TAS2R39: variants seen among roughly 807,000 people sequenced by gnomAD.
TAS2R39 encodes the protein taste receptor type 2 member 39.
Under a neutral mutation model 20.5 loss-of-function variants are expected in TAS2R39, and 22 were observed. That is an observed-to-expected ratio of 1.08 (90% CI 0.77 to 1.54). The LOEUF (loss-of-function observed/expected upper bound fraction) is 1.54, where lower values mean the gene tolerates loss of function less well. TAS2R39 is among the 40% of genes most tolerant of loss of function. TAS2R39 has a pLI of 0.00. For missense variants in TAS2R39, 362 were observed against 398.6 expected (o/e 0.91, Z 0.78); for synonymous variants, 128 against 147.7 (o/e 0.87, Z 0.97).
At position 143,183,612 on chromosome 7, in the gene TAS2R39, A is replaced by C; in HGVS notation, c.194A>C (p.Gln65Pro). ...GCTATACATGCAGCTGAATGGGTTC[A>C]AAATAAGGCAGTTTCCACAAGTGGC... Reference protein sequence around the residue: ...IMAIHAAEWVQNKAVSTSGRI... With the variant: ...IMAIHAAEWVPNKAVSTSGRI... Residue 65 changes from glutamine to proline, a missense_variant, in exon 1 of 1, where the codon CAA becomes CCA. Physicochemically the swap from Gln to Pro is moderately conservative, Grantham distance 76. Coordinates refer to ENST00000446620, the MANE Select transcript of TAS2R39 (RefSeq NM_176881.2). 6.2e-7 allele frequency: 1 copy of C among 1,613,502 alleles called. No homozygotes were observed. Among genetic ancestry groups the C allele is most frequent in the South Asian group, 1.1e-5 (1 of 91,082 alleles).
Position 143,184,017 on chromosome 7 carries a change from A to G in TAS2R39, c.599A>G (p.Tyr200Cys). 1 of 1,613,574 alleles carries G rather than the reference A, an allele frequency of 6.2e-7. No individual in the cohort carries two copies. The highest frequency in any genetic ancestry group is 1.7e-5 in the Admixed American group (1 of 59,988). Residue 200 changes from tyrosine (Y) to cysteine (C), a missense_variant, in exon 1 of 1, where the codon TAC becomes TGC. Tyr to Cys is a radical substitution (Grantham distance 194). Coordinates refer to ENST00000446620, the MANE Select transcript of TAS2R39 (RefSeq NM_176881.2). The stretch of plus-strand genomic sequence containing the variant: ...TCCTCCAACTCCACTAAGAAAACAT[A>G]CTTGTCTGAGATCAATGTGGTCGGT... Reference protein sequence around the residue: ...IHSSNSTKKTYLSEINVVGLA... With the variant: ...IHSSNSTKKTCLSEINVVGLA...
Position 143,183,809 on chromosome 7 carries a change from C to T in TAS2R39, c.391C>T (p.Leu131Phe). 4 of 1,613,518 alleles carry T rather than the reference C, an allele frequency of 2.5e-6. No homozygotes were observed. Among genetic ancestry groups the T allele is most frequent in the Non-Finnish European group, 3.4e-6 (4 of 1,179,602 alleles). The change falls in exon 1 of 1, where the codon CTC (leucine) becomes TTC (phenylalanine). Residue 131 changes from leucine (L) to phenylalanine (F), a missense_variant. Transcript: ENST00000446620. The part of the protein sequence containing the change: ...NFCSLWFAAW[L>F]SFFYFVKIAN... Reference sequence around the variant, plus strand: ...TTGTAGCCTGTGGTTTGCTGCCTGGCTCAGTTTCTTCTACTTTGTGAAGAT... The same window carrying T: ...TTGTAGCCTGTGGTTTGCTGCCTGGTTCAGTTTCTTCTACTTTGTGAAGAT...
Position 143,183,850 on chromosome 7 carries a change from C to T in TAS2R39, c.432C>T (p.Tyr144=), listed in dbSNP as rs774871266. Residue 144 remains tyrosine (Y), a synonymous_variant, in exon 1 of 1, where the codon TAC becomes TAT. Coordinates refer to ENST00000446620, the MANE Select transcript of TAS2R39 (RefSeq NM_176881.2). ...FYFVKIANFS[Y]PLFLKLRWRI... is the part of the protein sequence containing the mutation. ...TTGTGAAGATTGCCAATTTCTCCTA[C>T]CCCCTTTTCCTCAAACTGAGGTGGA... 3 of 1,613,552 alleles carry T rather than the reference C, an allele frequency of 1.9e-6. No homozygotes were observed. Among genetic ancestry groups the T allele is most frequent in the East Asian group, 2.2e-5 (1 of 44,890 alleles).
chr7:143,184,390 G>A lies in TAS2R39; in HGVS notation c.972G>A (p.Arg324=), dbSNP rs780473909. The change falls in exon 1 of 1, where the codon CGG becomes CGA. Residue 324 remains arginine (R), a synonymous_variant. Coordinates refer to ENST00000446620, the MANE Select transcript of TAS2R39 (RefSeq NM_176881.2). ...DNPGLRRAWK[R]LQLRLHLYPK... The stretch of plus-strand genomic sequence containing the variant: ...CTGGGCTGAGAAGAGCCTGGAAGCG[G>A]CTTCAGCTTCGACTTCATCTTTACC... 1.2e-6 allele frequency: 2 copies of A among 1,612,246 alleles called. No homozygotes were observed. Among genetic ancestry groups the A allele is most frequent in the East Asian group, 2.2e-5 (1 of 44,858 alleles).
At position 143,184,291 on chromosome 7, in the gene TAS2R39, G is replaced by A. The variant is rs1469652679; in HGVS notation, c.873G>A (p.Leu291=). 1.2e-6 allele frequency: 2 copies of A among 1,613,700 alleles called. No individual in the cohort carries two copies. Among genetic ancestry groups the A allele is most frequent in the South Asian group, 1.1e-5 (1 of 91,078 alleles). The part of the protein sequence containing the change: ...YLSNMFDINS[L]WNNLCQIIMA... ...CCAACATGTTTGACATCAACAGTCT[G>A]TGGAATAATTTGTGCCAGATCATCA... Residue 291 remains leucine, a synonymous_variant, in exon 1 of 1, where the codon CTG becomes CTA. Transcript: ENST00000446620.
rs755602052 is a variant in TAS2R39, at chr7:143,184,389, G to A, written c.971G>A (p.Arg324Gln). ...CCTGGGCTGAGAAGAGCCTGGAAGC[G>A]GCTTCAGCTTCGACTTCATCTTTAC... ...DNPGLRRAWKRLQLRLHLYPK... is the reference protein window; with the variant it reads ...DNPGLRRAWKQLQLRLHLYPK... The change falls in exon 1 of 1, where the codon CGG becomes CAG. Residue 324 changes from arginine (R) to glutamine (Q), a missense_variant. By Grantham distance (43) the Arg-to-Gln change is conservative. Coordinates refer to ENST00000446620, the MANE Select transcript of TAS2R39 (RefSeq NM_176881.2). 1.2e-5 allele frequency: 19 copies of A among 1,612,418 alleles called. No individual in the cohort carries two copies. Among genetic ancestry groups the A allele is most frequent in the Middle Eastern group, 1.6e-4 (1 of 6,080 alleles).
Position 143,183,659 on chromosome 7 carries a change from G to A in TAS2R39, c.241G>A (p.Val81Ile), listed in dbSNP as rs749318088. The change falls in exon 1 of 1, where the codon GTA becomes ATA. Residue 81 changes from valine (V) to isoleucine (I), a missense_variant. Transcript: ENST00000446620. ...TGGCAGGATCCTGGTTTTCCTGAGT[G>A]TATCCAGAATAGCTCTCCAAAGCCT... ...TSGRILVFLSVSRIALQSLMM... is the reference protein window; with the variant it reads ...TSGRILVFLSISRIALQSLMM... 2.5e-6 allele frequency: 4 copies of A among 1,613,508 alleles called. No individual in the cohort carries two copies. The highest frequency in any genetic ancestry group is 2.2e-5 in the South Asian group (2 of 91,070).
Position 143,184,071 on chromosome 7 carries a change from T to C in TAS2R39, c.653T>C (p.Val218Ala), listed in dbSNP as rs776388519. 5 of 1,613,718 alleles carry C rather than the reference T, an allele frequency of 3.1e-6. No individual in the cohort carries two copies. Among genetic ancestry groups the C allele is most frequent in the Non-Finnish European group, 4.2e-6 (5 of 1,179,776 alleles). ...GCTTTTTTCTTTAACCTGGGGATTG[T>C]GACTCCTCTGATCATGTTCATCCTG... ...GLAFFFNLGIVTPLIMFILTA... is the reference protein window; with the variant it reads ...GLAFFFNLGIATPLIMFILTA... The change falls in exon 1 of 1, where the codon GTG (valine) becomes GCG (alanine). Residue 218 changes from valine to alanine, a missense_variant. By Grantham distance (64) the Val-to-Ala change is moderately conservative. Coordinates refer to ENST00000446620, the MANE Select transcript of TAS2R39 (RefSeq NM_176881.2).
chr7:143,184,160 G>C lies in TAS2R39; in HGVS notation c.742G>C (p.Gly248Arg). ...HTLHMGSNAT[G>R]SNDPSMEAHM... ...CCTACACATGGGAAGCAATGCCACA[G>C]GGTCCAACGACCCCAGCATGGAGGC... Residue 248 changes from glycine to arginine, a missense_variant, in exon 1 of 1, where the codon GGG becomes CGG. Transcript: ENST00000446620. 1 of 1,613,756 alleles carries C rather than the reference G, an allele frequency of 6.2e-7. No individual in the cohort carries two copies. The highest frequency in any genetic ancestry group is 8.5e-7 in the Non-Finnish European group (1 of 1,179,784).
rs577621736 is a variant in TAS2R39, at chr7:143,184,201, C to T, written c.783C>T (p.Ile261=). 5 of 1,613,760 alleles carry T rather than the reference C, an allele frequency of 3.1e-6. No individual in the cohort carries two copies. In the Admixed American group the frequency reaches 5.0e-5, roughly 16 times the overall value. Residue 261 remains isoleucine (I), a synonymous_variant, in exon 1 of 1, where the codon ATC becomes ATT. Coordinates refer to ENST00000446620, the MANE Select transcript of TAS2R39 (RefSeq NM_176881.2). ...DPSMEAHMGA[I]KAISYFLILY... ...GCATGGAGGCTCACATGGGGGCCATCAAAGCTATCAGCTACTTTCTCATTC... is the reference window on the plus strand; with the variant it reads ...GCATGGAGGCTCACATGGGGGCCATTAAAGCTATCAGCTACTTTCTCATTC...
chr7:143,183,855 T>G lies in TAS2R39; in HGVS notation c.437T>G (p.Leu146Arg). The change falls in exon 1 of 1, where the codon CTT (leucine) becomes CGT (arginine). Residue 146 changes from leucine to arginine, a missense_variant. Transcript: ENST00000446620. ...AAGATTGCCAATTTCTCCTACCCCC[T>G]TTTCCTCAAACTGAGGTGGAGAATT... is the stretch of plus-strand genomic sequence containing the variant. Reference protein sequence around the residue: ...FVKIANFSYPLFLKLRWRITG... With the variant: ...FVKIANFSYPRFLKLRWRITG... The G allele has an allele frequency of 6.2e-7, 1 of 1,613,516 alleles. No homozygotes were observed. The highest frequency in any genetic ancestry group is 8.5e-7 in the Non-Finnish European group (1 of 1,179,584).
rs1480902699 is a variant in TAS2R39 at position 143,183,437 on chromosome 7, C to A, written c.19C>A (p.Pro7Thr). The A allele has an allele frequency of 6.2e-7, 1 of 1,612,094 alleles. No homozygotes were observed. ...CCATCAAATGCTAGGGAGATGTTTTCCTCCAGACACCAAAGAGAAGCAACA... is the reference window on the plus strand; with the variant it reads ...CCATCAAATGCTAGGGAGATGTTTTACTCCAGACACCAAAGAGAAGCAACA... Reference protein sequence around the residue: MLGRCFPPDTKEKQQLR... With the variant: MLGRCFTPDTKEKQQLR... Residue 7 changes from proline (P) to threonine (T), a missense_variant, in exon 1 of 1, where the codon CCT becomes ACT. Physicochemically the swap from Pro to Thr is conservative, Grantham distance 38. Transcript: ENST00000446620.
chr7:143,184,044 T>A lies in TAS2R39; in HGVS notation c.626T>A (p.Leu209Gln). The A allele has an allele frequency of 2.5e-6, 4 of 1,613,788 alleles. No homozygotes were observed. The highest frequency in any genetic ancestry group is 3.4e-6 in the Non-Finnish European group (4 of 1,179,760). The change falls in exon 1 of 1, where the codon CTG (leucine) becomes CAG (glutamine). Residue 209 changes from leucine to glutamine, a missense_variant. Coordinates refer to ENST00000446620, the MANE Select transcript of TAS2R39 (RefSeq NM_176881.2). ...TTGTCTGAGATCAATGTGGTCGGTCTGGCTTTTTTCTTTAACCTGGGGATT... is the reference window on the plus strand; with the variant it reads ...TTGTCTGAGATCAATGTGGTCGGTCAGGCTTTTTTCTTTAACCTGGGGATT... ...TYLSEINVVG[L>Q]AFFFNLGIVT...
In TAS2R39 at chr7:143,184,226, C is replaced by T. The variant is rs544873094; in HGVS notation, c.808C>T (p.Leu270Phe). 1.4e-5 allele frequency: 22 copies of T among 1,613,724 alleles called. No homozygotes were observed. The Admixed American group carries it at 3.0e-4, about 22-fold the overall frequency. Residue 270 changes from leucine to phenylalanine, a missense_variant, in exon 1 of 1, where the codon CTC (leucine) becomes TTC (phenylalanine). Transcript: ENST00000446620. ...CAAAGCTATCAGCTACTTTCTCATTCTCTACATTTTCAATGCAGTTGCTCT... is the reference window on the plus strand; with the variant it reads ...CAAAGCTATCAGCTACTTTCTCATTTTCTACATTTTCAATGCAGTTGCTCT... ...AIKAISYFLI[L>F]YIFNAVALFI...
At position 143,183,662 on chromosome 7, in the gene TAS2R39, T is replaced by C; in HGVS notation, c.244T>C (p.Ser82Pro). Residue 82 changes from serine (S) to proline (P), a missense_variant, in exon 1 of 1, where the codon TCC becomes CCC. Coordinates refer to ENST00000446620, the MANE Select transcript of TAS2R39 (RefSeq NM_176881.2). ...SGRILVFLSV[S>P]RIALQSLMML... Reference sequence around the variant, plus strand: ...CAGGATCCTGGTTTTCCTGAGTGTATCCAGAATAGCTCTCCAAAGCCTCAT... The same window carrying C: ...CAGGATCCTGGTTTTCCTGAGTGTACCCAGAATAGCTCTCCAAAGCCTCAT... The C allele has an allele frequency of 6.2e-7, 1 of 1,613,554 alleles. No homozygotes were observed. Among genetic ancestry groups the C allele is most frequent in the South Asian group, 1.1e-5 (1 of 91,068 alleles).
Position 143,183,920 on chromosome 7 carries a change from A to C in TAS2R39, c.502A>C (p.Ile168Leu). 6.2e-7 allele frequency: 1 copy of C among 1,613,308 alleles called. No homozygotes were observed. Among genetic ancestry groups the C allele is most frequent in the Non-Finnish European group, 8.5e-7 (1 of 1,179,540 alleles). The change falls in exon 1 of 1, where the codon ATT becomes CTT. Residue 168 changes from isoleucine to leucine, a missense_variant. Transcript: ENST00000446620. Reference protein sequence around the residue: ...IPWLLWLSVFISFSHSMFCIN... With the variant: ...IPWLLWLSVFLSFSHSMFCIN... ...CTGGCTTCTGTGGCTGTCCGTGTTT[A>C]TTTCCTTCAGTCACAGCATGTTCTG...
In TAS2R39 at chr7:143,184,085, A is replaced by T; in HGVS notation, c.667A>T (p.Met223Leu). 1 of 1,613,572 alleles carries T rather than the reference A, an allele frequency of 6.2e-7. No individual in the cohort carries two copies. ...FNLGIVTPLI[M>L]FILTATLLIL... ...CCTGGGGATTGTGACTCCTCTGATC[A>T]TGTTCATCCTGACAGCCACCCTGCT... The change falls in exon 1 of 1, where the codon ATG becomes TTG. Residue 223 changes from methionine to leucine, a missense_variant. Coordinates refer to ENST00000446620, the MANE Select transcript of TAS2R39 (RefSeq NM_176881.2).
At position 143,183,893 on chromosome 7, in the gene TAS2R39, C is replaced by T; in HGVS notation, c.475C>T (p.Pro159Ser). The change falls in exon 1 of 1, where the codon CCC becomes TCC. Residue 159 changes from proline to serine, a missense_variant. Coordinates refer to ENST00000446620, the MANE Select transcript of TAS2R39 (RefSeq NM_176881.2). ...GAGGTGGAGAATTACTGGATTGATACCCTGGCTTCTGTGGCTGTCCGTGTT... is the reference window on the plus strand; with the variant it reads ...GAGGTGGAGAATTACTGGATTGATATCCTGGCTTCTGTGGCTGTCCGTGTT... ...KLRWRITGLI[P>S]WLLWLSVFIS... is the part of the protein sequence containing the mutation. The T allele has an allele frequency of 6.2e-7, 1 of 1,613,432 alleles. No homozygotes were observed. The highest frequency in any genetic ancestry group is 1.1e-5 in the South Asian group (1 of 91,076).
Position 143,183,988 on chromosome 7 carries a change from C to G in TAS2R39, c.570C>G (p.Ile190Met), listed in dbSNP as rs192883061. 482 of 1,613,502 alleles carry G rather than the reference C, an allele frequency of 3.0e-4. 3 individuals carry two copies. The Middle Eastern group carries it at 6.3e-3, about 21-fold the overall frequency. The change falls in exon 1 of 1, where the codon ATC becomes ATG. Residue 190 changes from isoleucine (I) to methionine (M), a missense_variant. Ile to Met is a conservative substitution (Grantham distance 10, BLOSUM62 1). Coordinates refer to ENST00000446620, the MANE Select transcript of TAS2R39 (RefSeq NM_176881.2). ...TGTATTGTAACAATTCTTTCCCTAT[C>G]CACTCCTCCAACTCCACTAAGAAAA... ...CTVYCNNSFP[I>M]HSSNSTKKTY... is the part of the protein sequence containing the mutation.
Sources: allele counts gnomAD v4.1 joint callset, GRCh38; gene constraint gnomAD v4.1.1; transcripts MANE v1.5; gene names NCBI Gene and HGNC (gene_info 2026-07-23, HGNC 2026-07-21).